The following FER variants were observed in gnomAD, a reference collection of about 807,000 sequenced individuals.
FER encodes the protein tyrosine-protein kinase Fer.
Under a neutral mutation model 111.0 loss-of-function variants are expected in FER, and 63 were observed. The ratio of observed to expected loss-of-function variants is 0.57; its 90% CI spans 0.46 to 0.70. The LOEUF is 0.70. Ranked by LOEUF, FER falls within the 30% of genes least tolerant of loss-of-function variation. The pLI, the probability that FER is intolerant of heterozygous loss-of-function variation, is 0.00. For missense variants in FER, 914 were observed against 954.0 expected, an observed-to-expected ratio of 0.96 and a Z score of 0.55; for synonymous variants, 327 against 313.9, an observed-to-expected ratio of 1.04 and a Z score of -0.44.
chr5:108,765,180 A>G (rs761191170), intron 1 of FER, among the ~76,000 whole-genome samples: 7 of 152,228 alleles, frequency 4.6e-5, no homozygotes, highest in Non-Finnish European at 1.0e-4. Context: ...TCTGGTAAGC[A>G]TGATAATACC....
chr5:109,103,557 C>G (rs1748517501), intron 17 of FER, among the ~76,000 whole-genome samples: 1 of 152,200 alleles, frequency 6.6e-6, no homozygotes, highest in Non-Finnish European at 1.5e-5. Flanking sequence ...CTACAAGTTT[C>G]TAGTGGAAAC....
chr5:108,850,854 TGATTGG>T (rs1228371317), intron 5 of FER, among the ~76,000 whole-genome samples: 1 of 152,216 alleles, frequency 6.6e-6, no homozygotes, highest in Non-Finnish European at 1.5e-5. Context: ...TTCAAGTACA[TGATTGG>T]GAGAATAAAG....
chr5:109,100,177 A>G (rs1582027795), intron 16 of FER, among the ~76,000 whole-genome samples: 3 of 151,906 alleles, frequency 2.0e-5, no homozygotes, highest in African/African-American at 7.2e-5. Flanking sequence ...CACTTAAAGT[A>G]CTTAAACGGT....
At position 109,192,447 on chromosome 5, in the gene FER, C is replaced by T. The variant is rs765214633; in HGVS notation, c.*4872C>T. On this transcript the variant is annotated 3_prime_UTR_variant, in exon 20 of 20. Transcript: ENST00000281092. ...TTAGCAAAGAGTAAACCAAATACCTCTCCTTGTGTTAGGAGCACTGTTATA... is the reference window on the plus strand; with the variant it reads ...TTAGCAAAGAGTAAACCAAATACCTTTCCTTGTGTTAGGAGCACTGTTATA... The T allele has an allele frequency of 2.0e-5, 3 of 152,126 alleles. No homozygotes were observed. The highest frequency in any genetic ancestry group is 4.4e-5 in the Non-Finnish European group (3 of 68,012). The allele number at this position is 152,126 out of a possible 1,614,324, so 9.4% of individuals were successfully genotyped here.
At chr5:109,153,016 A>G (rs907960783) in intron 17 of FER, among the ~76,000 whole-genome samples, 1 of 151,942 alleles carries the variant, frequency 6.6e-6, no homozygotes, top group Non-Finnish European at 1.5e-5. Context: ...TACCATAGCT[A>G]TATACATGGT....
chr5:108,769,641 G>A (rs947992983), intron 2 of FER, among the ~76,000 whole-genome samples: 30 of 151,868 alleles, frequency 2.0e-4, no homozygotes, highest in Middle Eastern at 6.8e-3. Flanking sequence ...GCATTTTTGT[G>A]TTTTTTTTAG....
chr5:108,794,545 C>T (rs917273554), intron 2 of FER, among the ~76,000 whole-genome samples: 3 of 145,204 alleles, frequency 2.1e-5, no homozygotes, highest in South Asian at 4.7e-4. Context: ...CCTCCCCGCA[C>T]CTTAACATTT....
At chr5:108,948,815 A>G (rs187550417) in intron 11 of FER, among the ~76,000 whole-genome samples, 10 of 152,214 alleles carry the variant, frequency 6.6e-5, no homozygotes, top group Admixed American at 2.6e-4. Flanking sequence ...TCACTGATAT[A>G]TGGAGTGAAT....
At chr5:108,927,055 A>G (rs1458118444) in intron 10 of FER, among the ~76,000 whole-genome samples, 3 of 151,944 alleles carry the variant, frequency 2.0e-5, no homozygotes, top group African/African-American at 7.3e-5. Flanking sequence ...AGTGTGTCAT[A>G]TTGATATTGT....
chr5:108,919,393 G>GT lies in FER; in HGVS notation c.1236+21550dup, dbSNP rs1437203980. ...AAACATGTCCTATTTTGGAGGGAGG[G>GT]TTTTTCTAAACAAGTTTATTTAGTA... On this transcript the variant is annotated intron_variant, in intron 10 of 19. Transcript: ENST00000281092. Among the ~76,000 whole-genome samples, 8 of 151,150 alleles carry GT rather than the reference G, an allele frequency of 5.3e-5. 1 individual carries two copies. In the South Asian group the frequency reaches 1.5e-3, roughly 28 times the overall value.
At chr5:108,818,483 A>G (rs1483794597) in intron 3 of FER, among the ~76,000 whole-genome samples, 1 of 152,126 alleles carries the variant, frequency 6.6e-6, no homozygotes, top group Non-Finnish European at 1.5e-5. Flanking sequence ...CACATTTTAC[A>G]TTTCAGGTAA....
At chr5:108,795,667 T>C (rs1580582260) in intron 2 of FER, among the ~76,000 whole-genome samples, 1 of 152,362 alleles carries the variant, frequency 6.6e-6, no homozygotes, top group African/African-American at 2.4e-5. Flanking sequence ...CATTCTTCAG[T>C]GCGTCAGTTG....
chr5:108,789,733 G>A (rs1257386591), intron 2 of FER, among the ~76,000 whole-genome samples: 1 of 151,754 alleles, frequency 6.6e-6, no homozygotes, highest in Non-Finnish European at 1.5e-5. Context: ...CTCCCAAGTA[G>A]CTAGGACTAC....
chr5:108,832,315 G>A (rs1275030873), intron 3 of FER, among the ~76,000 whole-genome samples: 1 of 152,212 alleles, frequency 6.6e-6, no homozygotes. Flanking sequence ...ACAAAAGACA[G>A]TTTCAGAGTG....
Position 109,189,509 on chromosome 5 carries a change from A to G in FER, c.*1934A>G, listed in dbSNP as rs1172887651. ...CAATCTCCTTGCAGATTTCATACAT[A>G]CTTAATGATTAGTACATTCAGACTA... On this transcript the variant is annotated 3_prime_UTR_variant, in exon 20 of 20. Coordinates refer to ENST00000281092, the MANE Select transcript of FER (RefSeq NM_005246.4). 1 of 151,972 alleles carries G rather than the reference A, an allele frequency of 6.6e-6. No homozygotes were observed. Among genetic ancestry groups the G allele is most frequent in the East Asian group, 1.9e-4 (1 of 5,144 alleles). 9.4% of individuals were successfully genotyped at this position (151,972 alleles called of 1,614,324 possible). A position where few individuals can be genotyped will look rare whatever the true frequency, so the allele number is the denominator to read the frequency against.
intron 17 of FER, among the ~76,000 whole-genome samples, chr5:109,167,087 T>A (rs181716982): frequency 1.3e-5 from 2 of 152,262 alleles, no homozygotes; most frequent in East Asian, 3.9e-4. Context: ...TGCATAACTA[T>A]CTCTTCTTAT....
At chr5:109,108,458 G>T (rs187882465) in intron 17 of FER, among the ~76,000 whole-genome samples, 7 of 152,256 alleles carry the variant, frequency 4.6e-5, no homozygotes, top group Non-Finnish European at 8.8e-5. Context: ...GTTGTAGGGA[G>T]AAGAGAATCT....
intron 6 of FER, 125 bp downstream of exon 6, chr5:108,868,075 T>A: frequency 1.3e-6 from 1 of 787,168 alleles, no homozygotes; most frequent in Non-Finnish European, 1.9e-6. Flanking sequence ...ATTTCAGACC[T>A]TGATTCTTCT....
chr5:109,165,715 G>C (rs1756487210), intron 17 of FER, among the ~76,000 whole-genome samples: 1 of 152,020 alleles, frequency 6.6e-6, no homozygotes, highest in South Asian at 2.1e-4. Flanking sequence ...GACTATTCAT[G>C]AGGGAAATCA....
Sources: gnomAD v4.1 joint callset for allele counts (sites outside exome capture counted in the v4.1 genomes callset) on GRCh38, gnomAD v4.1.1 for gene constraint, MANE v1.5 for transcripts, NCBI Gene and HGNC (gene_info 2026-07-23, HGNC 2026-07-21) for gene names.